Variants in HSDL2 observed in about 807,000 individuals in gnomAD.
The protein encoded by HSDL2 is hydroxysteroid dehydrogenase-like protein 2.
A neutral mutation model predicts 46.3 loss-of-function variants in HSDL2; 27 were observed. The ratio of observed to expected loss-of-function variants is 0.58; its 90% confidence interval spans 0.43 to 0.80. HSDL2 has a LOEUF of 0.80. Among genes scored for constraint, HSDL2 ranks in the 30% least tolerant of loss-of-function variants. The pLI is 0.00. For missense variants in HSDL2, 451 were observed against 502.7 expected (o/e 0.90, Z 0.98); for synonymous variants, 153 against 163.6 (o/e 0.94, Z 0.50).
At chr9:112,461,089 T>A (rs533727904) in intron 10 of HSDL2, among the ~76,000 whole-genome samples, 1 of 152,254 alleles carries the variant, frequency 6.6e-6, no homozygotes, top group Admixed American at 6.5e-5. Context: ...GAATTTTTTT[T>A]TTTTGAGACG....
In HSDL2 at chr9:112,450,626, CA is replaced by C. The variant is rs56114018; in HGVS notation, c.866-3371del. Among the ~76,000 whole-genome samples, 58 of 120,656 alleles carry C rather than the reference CA, an allele frequency of 4.8e-4. 1 individual carries two copies. The highest frequency in any genetic ancestry group is 9.3e-4 in the East Asian group (4 of 4,314). The allele number at this position is 120,656 out of a possible 152,430, so 79.2% of individuals were successfully genotyped here. A position where few individuals can be genotyped will look rare whatever the true frequency, so the allele number is the denominator to read the frequency against. On this transcript the variant is annotated intron_variant, in intron 8 of 10. Transcript: ENST00000398805. ...CCTAGGTGACAGAGCAAGACTGCCTCAAAAAAAAAAAAAAAAGTATAGAACA... is the reference window on the plus strand; with the variant it reads ...CCTAGGTGACAGAGCAAGACTGCCTCAAAAAAAAAAAAAAAGTATAGAACA...
intron 4 of HSDL2, 65 bp from the exon 5 acceptor site, chr9:112,416,774 TAA>T: frequency 2.1e-5 from 14 of 653,296 alleles, no homozygotes; most frequent in South Asian, 3.9e-5. Context: ...CCCCCTCTCT[TAA>T]AAAAAAAAGT....
At chr9:112,439,997 T>G (rs1187717210) in intron 7 of HSDL2, among the ~76,000 whole-genome samples, 2 of 152,184 alleles carry the variant, frequency 1.3e-5, no homozygotes, top group Non-Finnish European at 2.9e-5. Flanking sequence ...TATAGTACAC[T>G]CAGAATATTT....
chr9:112,400,601 G>A (rs1267987759), intron 1 of HSDL2, among the ~76,000 whole-genome samples: 3 of 152,328 alleles, frequency 2.0e-5, no homozygotes, highest in Admixed American at 1.3e-4. Flanking sequence ...GTGAGACTCC[G>A]TCTCAAACAA....
intron 7 of HSDL2, among the ~76,000 whole-genome samples, chr9:112,439,142 AG>A: frequency 6.6e-6 from 1 of 152,246 alleles, no homozygotes; most frequent in East Asian, 1.9e-4. Context: ...CTGGGACTAT[AG>A]GCATGTGCCA....
chr9:112,416,873 G>A lies in HSDL2; in HGVS notation c.428G>A (p.Ser143Asn). 6.2e-7 allele frequency: 1 copy of A among 1,601,344 alleles called. No homozygotes were observed. The highest frequency in any genetic ancestry group is 2.2e-5 in the East Asian group (1 of 44,800). ...SKACIPYLKK[S>N]KVAHILNISP... ...GCATGTATTCCTTATTTGAAAAAGAGCAAAGTTGCTCATATCCTCAATATC... is the reference window on the plus strand; with the variant it reads ...GCATGTATTCCTTATTTGAAAAAGAACAAAGTTGCTCATATCCTCAATATC... Residue 143 changes from serine to asparagine, a missense_variant, in exon 5 of 11, where the codon AGC becomes AAC. By Grantham distance (46) the Ser-to-Asn change is conservative. Transcript: ENST00000398805.
At chr9:112,465,121 A>G (rs1833338261) in intron 10 of HSDL2, among the ~76,000 whole-genome samples, 2 of 152,164 alleles carry the variant, frequency 1.3e-5, no homozygotes, top group Admixed American at 6.6e-5. Context: ...GATAACATGC[A>G]ATTAGTCATT....
chr9:112,455,557 GCT>G lies in HSDL2; in HGVS notation c.1015+1396_1015+1397del, dbSNP rs1218175932. ...GGTTGCAAAGTTTTGGGGGAGGAAA[GCT>G]AAAAAAAATCACACCACCTGGGTGG... On this transcript the variant is annotated intron_variant, in intron 9 of 10. Transcript: ENST00000398805. 4.0e-4 allele frequency among the ~76,000 whole-genome samples: 60 copies of G among 151,638 alleles called. 1 individual carries two copies. Among genetic ancestry groups the G allele is most frequent in the African/African-American group, 1.1e-3 (45 of 41,324 alleles).
intron 1 of HSDL2, among the ~76,000 whole-genome samples, chr9:112,401,441 C>CAAAAAAAAAAAAAAAAA (rs398011899): frequency 1.6e-5 from 1 of 61,496 alleles, no homozygotes; most frequent in Non-Finnish European, 2.9e-5. Context: ...GAACCGCTCT[C>CAAAAAAAAAAAAAAAAA]AAAAAAAAAA....
chr9:112,416,920 C>T lies in HSDL2; in HGVS notation c.475C>T (p.Pro159Ser). The T allele has an allele frequency of 6.3e-7, 1 of 1,595,898 alleles. No homozygotes were observed. The highest frequency in any genetic ancestry group is 8.6e-7 in the Non-Finnish European group (1 of 1,163,964). ...LNISPPLNLN[P>S]VWFKQHCAYT... is the part of the protein sequence containing the mutation. The stretch of plus-strand genomic sequence containing the variant: ...TATCAGTCCACCACTGAACCTAAAT[C>T]CAGTTTGGTTCAAACAGCACTGTGG... The change falls in exon 5 of 11, where the codon CCA becomes TCA. Residue 159 changes from proline to serine, a missense_variant. Physicochemically the swap from Pro to Ser is moderately conservative, Grantham distance 74. Transcript: ENST00000398805.
At chr9:112,424,902 C>T (rs1242362713) in intron 6 of HSDL2, among the ~76,000 whole-genome samples, 1 of 151,674 alleles carries the variant, frequency 6.6e-6, no homozygotes, top group Non-Finnish European at 1.5e-5. Context: ...AAACTGAACT[C>T]TCTTATTAGT....
At chr9:112,406,318 C>T (rs773298585) in intron 3 of HSDL2, among the ~76,000 whole-genome samples, 2 of 152,122 alleles carry the variant, frequency 1.3e-5, no homozygotes, top group Non-Finnish European at 2.9e-5. Flanking sequence ...CTGGACACTG[C>T]ACAATCTATG....
intron 8 of HSDL2, among the ~76,000 whole-genome samples, chr9:112,448,754 A>G (rs937094363): frequency 2.0e-5 from 3 of 151,654 alleles, no homozygotes; most frequent in African/African-American, 7.3e-5. Context: ...ACAGGGTTTC[A>G]CTGCGTTAGC....
intron 8 of HSDL2, among the ~76,000 whole-genome samples, chr9:112,453,453 C>T (rs372095510): frequency 8.5e-5 from 13 of 152,140 alleles, no homozygotes; most frequent in African/African-American, 3.1e-4. Context: ...AGTGCAGTAG[C>T]GTGATCTCGG....
At chr9:112,407,993 A>C (rs10981396) in intron 3 of HSDL2, among the ~76,000 whole-genome samples, 66,038 of 152,084 alleles carry the variant, frequency 0.43, 14,622 homozygotes, top group South Asian at 0.51. Context: ...GAAACTAGAT[A>C]GAATTTGCAG....
In HSDL2 at chr9:112,471,611, T is replaced by G. The variant is rs1833576693; in HGVS notation, c.*1067T>G. On this transcript the variant is annotated 3_prime_UTR_variant, in exon 11 of 11. Coordinates refer to ENST00000398805, the MANE Select transcript of HSDL2 (RefSeq NM_032303.5). ...GGGAGGCCGACGCAGGAGGATTGCT[T>G]GAGGCCAGGAGTTCAAGGCCAGCCT... 6.6e-6 allele frequency: 1 copy of G among 152,230 alleles called. No individual in the cohort carries two copies. The highest frequency in any genetic ancestry group is 2.1e-4 in the South Asian group (1 of 4,840). The allele number at this position is 152,230 out of a possible 1,614,324, so 9.4% of individuals were successfully genotyped here.
intron 6 of HSDL2, among the ~76,000 whole-genome samples, chr9:112,422,234 A>G (rs1832140513): frequency 1.3e-5 from 2 of 152,332 alleles, no homozygotes; most frequent in South Asian, 2.1e-4. Flanking sequence ...AACGAACTAT[A>G]TAAGGGTGAA....
intron 10 of HSDL2, among the ~76,000 whole-genome samples, chr9:112,461,476 G>A (rs1833208413): frequency 6.6e-6 from 1 of 152,104 alleles, no homozygotes; most frequent in South Asian, 2.1e-4. Context: ...TTTAATAAAC[G>A]CTCAATGAAT....
At chr9:112,386,494 A>T (rs1300005125) in intron 1 of HSDL2, among the ~76,000 whole-genome samples, 5 of 152,088 alleles carry the variant, frequency 3.3e-5, no homozygotes, top group Admixed American at 1.3e-4. Flanking sequence ...AATAAAAATA[A>T]TTTTGAGCTT....
Sources: gnomAD v4.1 joint callset for allele counts (sites outside exome capture counted in the v4.1 genomes callset) on GRCh38, gnomAD v4.1.1 for gene constraint, MANE v1.5 for transcripts, NCBI Gene and HGNC (gene_info 2026-07-23, HGNC 2026-07-21) for gene names.